Variants in CHCHD6 observed in about 807,000 individuals in gnomAD.
CHCHD6 encodes coiled-coil-helix-coiled-coil-helix domain containing 6.
In CHCHD6, 28 loss-of-function variants were observed where a neutral mutation model predicts 32.3. That is an observed-to-expected ratio of 0.87 (90% confidence interval 0.64 to 1.19). The LOEUF is 1.19. Among genes scored for constraint, CHCHD6 ranks in the 50% most tolerant of loss-of-function variants. CHCHD6 has a pLI of 0.00. For synonymous variants in CHCHD6, 122 were observed against 117.5 expected (o/e 1.04, Z -0.25); for missense variants, 333 against 307.0 (o/e 1.08, Z -0.63).
At chr3:126,842,557 G>A (rs182742260) in intron 4 of CHCHD6, among the ~76,000 whole-genome samples, 6 of 152,264 alleles carry the variant, frequency 3.9e-5, no homozygotes, top group Non-Finnish European at 8.8e-5. Flanking sequence ...GTGTGATAAT[G>A]CAGCAAGTCA....
Position 126,767,393 on chromosome 3 carries a change from A to G in CHCHD6, c.411+34171A>G. ...GATCACTTCGTGGCTGAGGCCCTCG[A>G]TGAGTCTGGGGGCTCCTACTCTCTT... On this transcript the variant is annotated intron_variant, in intron 4 of 7. Transcript: ENST00000290913. The G allele has an allele frequency of 5.3e-6, 4 of 755,652 alleles. No individual in the cohort carries two copies. In the South Asian group the frequency reaches 5.4e-5, roughly 10 times the overall value. The allele number at this position is 755,652 out of a possible 1,614,324, so 46.8% of individuals were successfully genotyped here. A position where few individuals can be genotyped will look rare whatever the true frequency, so the allele number is the denominator to read the frequency against.
At chr3:126,758,448 C>G (rs1329247618) in intron 4 of CHCHD6, among the ~76,000 whole-genome samples, 2 of 152,180 alleles carry the variant, frequency 1.3e-5, no homozygotes, top group Non-Finnish European at 2.9e-5. Flanking sequence ...GCCATTCTTT[C>G]AATCTGAAGG....
intron 5 of CHCHD6, among the ~76,000 whole-genome samples, chr3:126,873,047 A>G (rs1000992038): frequency 7.9e-5 from 12 of 152,322 alleles, no homozygotes; most frequent in African/African-American, 2.6e-4. Flanking sequence ...TACTTCCTTG[A>G]ACACGGCTGG....
chr3:126,870,563 T>C (rs1053876800), intron 5 of CHCHD6, among the ~76,000 whole-genome samples: 1 of 152,210 alleles, frequency 6.6e-6, no homozygotes, highest in Middle Eastern at 3.2e-3. Flanking sequence ...CTGTGCCTGC[T>C]TGTGAGGGAC....
chr3:126,752,411 C>T (rs1936764225), intron 4 of CHCHD6, among the ~76,000 whole-genome samples: 1 of 152,192 alleles, frequency 6.6e-6, no homozygotes, highest in South Asian at 2.1e-4. Flanking sequence ...CACTAGGTGG[C>T]AGGCCTGGGC....
intron 4 of CHCHD6, among the ~76,000 whole-genome samples, chr3:126,765,117 A>G (rs1162997127): frequency 2.6e-5 from 4 of 152,342 alleles, no homozygotes; most frequent in African/African-American, 4.8e-5. Context: ...AGTGGTAACA[A>G]TAGCAAATGC....
rs1275615289 is a variant in CHCHD6, at chr3:126,733,153, G to A, written c.342G>A (p.Lys114=). Residue 114 remains lysine (K), a synonymous_variant, in exon 4 of 8, where the codon AAG becomes AAA. Transcript: ENST00000290913. The part of the protein sequence containing the change: ...VAKREREAAT[K]HSKASLPTGE... ...AGAGGGAAAGAGAGGCTGCCACCAAGCACTCCAAGGCATCCCTGCCCACGG... is the reference window on the plus strand; with the variant it reads ...AGAGGGAAAGAGAGGCTGCCACCAAACACTCCAAGGCATCCCTGCCCACGG... The A allele has an allele frequency of 2.5e-6, 4 of 1,614,214 alleles. No individual in the cohort carries two copies. The highest frequency in any genetic ancestry group is 3.4e-6 in the Non-Finnish European group (4 of 1,180,014).
chr3:126,952,605 G>A (rs1050518979), intron 6 of CHCHD6, among the ~76,000 whole-genome samples: 17 of 152,228 alleles, frequency 1.1e-4, no homozygotes, highest in African/African-American at 4.1e-4. Context: ...GCCCAGGGGA[G>A]TGGGGCAGGG....
intron 5 of CHCHD6, among the ~76,000 whole-genome samples, chr3:126,888,069 G>T (rs989416443): frequency 6.6e-6 from 1 of 152,188 alleles, no homozygotes; most frequent in African/African-American, 2.4e-5. Context: ...CCAGAGTCCT[G>T]CCTGCTGCCT....
rs144587647 is a variant in CHCHD6 at position 126,823,275 on chromosome 3, T to C, written c.412-29372T>C. On this transcript the variant is annotated intron_variant, in intron 4 of 7. Transcript: ENST00000290913. ...CTTTTCTAGGTCCTTTGTATTTCTG[T>C]ATCAATTTCAGAATCAAACTTGTCA... is the stretch of plus-strand genomic sequence containing the variant. Among the ~76,000 whole-genome samples, 9 of 152,336 alleles carry C rather than the reference T, an allele frequency of 5.9e-5. No homozygotes were observed. In the East Asian group the frequency reaches 1.7e-3, roughly 29 times the overall value.
intron 5 of CHCHD6, among the ~76,000 whole-genome samples, chr3:126,891,109 A>G (rs1050079425): frequency 7.2e-5 from 11 of 152,236 alleles, no homozygotes; most frequent in African/African-American, 2.7e-4. Context: ...TCCCCAGGAC[A>G]TACCCTAGCA....
intron 4 of CHCHD6, among the ~76,000 whole-genome samples, chr3:126,827,695 G>A (rs1355338967): frequency 6.6e-6 from 1 of 152,204 alleles, no homozygotes; most frequent in Non-Finnish European, 1.5e-5. Context: ...TTGTTACAAA[G>A]TTAGAGGAGA....
At chr3:126,831,085 G>A (rs1451091032) in intron 4 of CHCHD6, among the ~76,000 whole-genome samples, 2 of 151,624 alleles carry the variant, frequency 1.3e-5, no homozygotes, top group Admixed American at 6.6e-5. Flanking sequence ...GTGTGGTGGC[G>A]CAATCTCAGC....
intron 4 of CHCHD6, among the ~76,000 whole-genome samples, chr3:126,825,606 A>G (rs758493071): frequency 1.4e-4 from 22 of 152,224 alleles, no homozygotes; most frequent in Non-Finnish European, 2.8e-4. Flanking sequence ...CTGGGACTCT[A>G]TATATTTGTG....
intron 4 of CHCHD6, among the ~76,000 whole-genome samples, chr3:126,825,212 T>G (rs77257181): frequency 0.029 from 4,411 of 152,294 alleles, 96 homozygotes; most frequent in Non-Finnish European, 0.039. Flanking sequence ...GTGGGGACTT[T>G]TATAGTTACA....
At position 126,875,939 on chromosome 3, in the gene CHCHD6, G is replaced by A. The variant is rs552898480; in HGVS notation, c.495+23209G>A. Among the ~76,000 whole-genome samples, 6 of 152,296 alleles carry A rather than the reference G, an allele frequency of 3.9e-5. No individual in the cohort carries two copies. The East Asian group carries it at 1.2e-3, about 29-fold the overall frequency. On this transcript the variant is annotated intron_variant, in intron 5 of 7. Transcript: ENST00000290913. ...TCATCTCATTGTCTCTTGTTAAAAT[G>A]GTCAGACTCAGCTATTATTTTTTGA...
intron 5 of CHCHD6, among the ~76,000 whole-genome samples, chr3:126,862,234 TCC>T (rs1941932751): frequency 1.7e-5 from 1 of 59,088 alleles, no homozygotes; most frequent in Non-Finnish European, 3.5e-5. Flanking sequence ...CTCCTCCTCC[TCC>T]ATCACCACCT....
At chr3:126,949,377 C>T in intron 6 of CHCHD6, 1 of 229,696 alleles carries the variant, frequency 4.4e-6, no homozygotes, top group African/African-American at 2.4e-5. Context: ...CAGACACCTG[C>T]CATGGACGGA....
At chr3:126,711,328 G>A (rs1420180791) in intron 1 of CHCHD6, among the ~76,000 whole-genome samples, 1 of 152,238 alleles carries the variant, frequency 6.6e-6, no homozygotes, top group African/African-American at 2.4e-5. Context: ...TGTTCGGGAT[G>A]TGTGCGGCAG....
Sources: allele counts gnomAD v4.1 joint callset (sites outside exome capture counted in the v4.1 genomes callset), GRCh38; gene constraint gnomAD v4.1.1; transcripts MANE v1.5; gene names NCBI Gene and HGNC (gene_info 2026-07-23, HGNC 2026-07-21).